The following NRG1 variants were observed in gnomAD, a reference collection of about 807,000 sequenced individuals.
NRG1 encodes the protein pro-neuregulin-1, membrane-bound isoform.
NRG1 carries 18 observed loss-of-function variants against 63.8 expected under a neutral mutation model. The ratio of observed to expected loss-of-function variants is 0.28; its 90% CI spans 0.19 to 0.42. The LOEUF (loss-of-function observed/expected upper bound fraction) is 0.42, where lower values mean the gene tolerates loss of function less well. Ranked by LOEUF, NRG1 falls within the 10% of genes least tolerant of loss-of-function variation. The probability of loss-of-function intolerance (pLI) is 1.00; values close to 1 mark genes in which losing one functional copy is unlikely to be tolerated. For synonymous variants in NRG1, 302 were observed against 301.3 expected (o/e 1.00, Z -0.02); for missense variants, 762 against 814.7 (o/e 0.94, Z 0.79).
At chr8:32,621,725 A>G (rs1848369530) in intron 5 of NRG1, among the ~76,000 whole-genome samples, 1 of 152,224 alleles carries the variant, frequency 6.6e-6, no homozygotes, top group Admixed American at 6.5e-5. Flanking sequence ...ACTGTGTGCC[A>G]GGTGTTGTGC....
At chr8:32,721,751 G>A (rs1820701162) in intron 5 of NRG1, 6 of 1,056,786 alleles carry the variant, frequency 5.7e-6, no homozygotes, top group Non-Finnish European at 7.3e-6. Flanking sequence ...TCTGAGCCTG[G>A]CTCTGAACCT....
intron 5 of NRG1, among the ~76,000 whole-genome samples, chr8:32,689,206 C>CG (rs1810952808): frequency 6.6e-6 from 1 of 151,768 alleles, no homozygotes; most frequent in Non-Finnish European, 1.5e-5. Flanking sequence ...TTTTGCTTCA[C>CG]AGATTCTCGT....
intron 1 of NRG1, among the ~76,000 whole-genome samples, chr8:32,522,197 C>T (rs146991381): frequency 1.2e-4 from 19 of 152,264 alleles, no homozygotes; most frequent in African/African-American, 2.9e-4. Flanking sequence ...TAGAGAGCCA[C>T]GCTGTCTTGC....
At chr8:32,768,288 TA>T (rs1831573892), downstream of NRG1, among the ~76,000 whole-genome samples, 1 of 152,222 alleles carries the variant, frequency 6.6e-6, no homozygotes, top group Admixed American at 6.5e-5. Flanking sequence ...CTATCTTTTG[TA>T]GTGGCAGTAA....
chr8:32,360,208 G>C (rs898959431), intron 1 of NRG1, among the ~76,000 whole-genome samples: 2 of 152,176 alleles, frequency 1.3e-5, no homozygotes, highest in African/African-American at 4.8e-5. Flanking sequence ...TAGTCCCACA[G>C]ACAGTGAGTG....
At chr8:31,825,751 C>T (rs1824489007) in intron 1 of NRG1, among the ~76,000 whole-genome samples, 1 of 152,184 alleles carries the variant, frequency 6.6e-6, no homozygotes, top group Admixed American at 6.5e-5. Context: ...TAGTCTGTAA[C>T]TTTTGCCATT....
chr8:32,233,812 C>G (rs534328305), intron 1 of NRG1, among the ~76,000 whole-genome samples: 4 of 151,920 alleles, frequency 2.6e-5, no homozygotes, highest in South Asian at 2.1e-4. Flanking sequence ...ATCCACCCCC[C>G]CATCAGCCTC....
intron 1 of NRG1, among the ~76,000 whole-genome samples, chr8:32,428,804 G>C (rs1817751695): frequency 6.6e-6 from 1 of 152,154 alleles, no homozygotes; most frequent in South Asian, 2.1e-4. Context: ...GACCTCCCTT[G>C]AAGATGTCTT....
intron 1 of NRG1, among the ~76,000 whole-genome samples, chr8:32,503,288 GAAAAAAAAA>G (rs60857610): frequency 2.6e-4 from 14 of 54,858 alleles, no homozygotes; most frequent in African/African-American, 5.8e-4. Flanking sequence ...CTCTGTCTCA[GAAAAAAAAA>G]AAAAAAAAAA....
chr8:32,061,632 G>T (rs575049048), intron 1 of NRG1: 1 of 151,962 alleles, frequency 6.6e-6, no homozygotes, highest in Non-Finnish European at 1.5e-5. Context: ...TAGCAGACAG[G>T]TTCCCAGTCC....
At chr8:31,813,076 A>G (rs1823043177) in intron 1 of NRG1, among the ~76,000 whole-genome samples, 1 of 152,148 alleles carries the variant, frequency 6.6e-6, no homozygotes. Context: ...CCCGTCATGG[A>G]TATACTATAT....
chr8:32,155,129 A>G (rs1408253327), intron 1 of NRG1, among the ~76,000 whole-genome samples: 1 of 152,098 alleles, frequency 6.6e-6, no homozygotes, highest in Non-Finnish European at 1.5e-5. Flanking sequence ...ATCACTAAGC[A>G]ATGGATAATT....
chr8:32,689,615 T>C (rs1811065555), intron 5 of NRG1, among the ~76,000 whole-genome samples: 1 of 152,170 alleles, frequency 6.6e-6, no homozygotes. Context: ...AAATTACATA[T>C]ATACATATAC....
intron 1 of NRG1, among the ~76,000 whole-genome samples, chr8:31,834,301 A>G (rs374075939): frequency 3.7e-4 from 54 of 145,530 alleles, no homozygotes; most frequent in Non-Finnish European, 1.1e-4. Flanking sequence ...GTGTGCGCGC[A>G]CGCGCGCACA....
intron 1 of NRG1, among the ~76,000 whole-genome samples, chr8:32,259,778 G>A (rs914084576): frequency 2.0e-5 from 3 of 151,984 alleles, no homozygotes; most frequent in African/African-American, 7.3e-5. Context: ...AAACCTGTGG[G>A]TTTTACCCTT....
chr8:32,217,563 T>C (rs1425605958), intron 1 of NRG1, among the ~76,000 whole-genome samples: 1 of 152,158 alleles, frequency 6.6e-6, no homozygotes, highest in East Asian at 1.9e-4. Flanking sequence ...CCTTTTTGAG[T>C]TAAAATACTC....
intron 1 of NRG1, among the ~76,000 whole-genome samples, chr8:31,800,468 C>T (rs150562092): frequency 8.3e-4 from 126 of 152,290 alleles, no homozygotes; most frequent in African/African-American, 2.8e-3. Flanking sequence ...CCAAATGTTT[C>T]TACCGCATTT....
chr8:32,243,727 G>C (rs1294869668), intron 1 of NRG1, among the ~76,000 whole-genome samples: 2 of 152,086 alleles, frequency 1.3e-5, no homozygotes, highest in Non-Finnish European at 2.9e-5. Flanking sequence ...CTGTGACGGT[G>C]TTTGAGATGG....
intron 1 of NRG1, among the ~76,000 whole-genome samples, chr8:32,010,846 C>G (rs952106262): frequency 3.9e-5 from 6 of 152,006 alleles, no homozygotes; most frequent in African/African-American, 1.4e-4. Flanking sequence ...AGTGTTTTAT[C>G]TTGCAGAACT....
Sources: allele counts gnomAD v4.1 joint callset (sites outside exome capture counted in the v4.1 genomes callset), GRCh38; gene constraint gnomAD v4.1.1; transcripts MANE v1.5; gene names NCBI Gene and HGNC (gene_info 2026-07-23, HGNC 2026-07-21).